The following MCOLN1 variants were observed in gnomAD, a reference collection of about 807,000 sequenced individuals.
MCOLN1 encodes mucolipin-1.
Under a neutral mutation model 70.3 loss-of-function variants are expected in MCOLN1, and 50 were observed. The observed-to-expected ratio is 0.71, with a 90% CI of 0.57 to 0.90. The LOEUF (loss-of-function observed/expected upper bound fraction) is 0.90, where lower values mean the gene tolerates loss of function less well. Ranked by LOEUF, MCOLN1 falls within the 40% of genes least tolerant of loss-of-function variation. The pLI, the probability that MCOLN1 is intolerant of heterozygous loss-of-function variation, is 0.00. For missense variants in MCOLN1, 598 were observed against 803.5 expected (o/e 0.74, Z 3.09); for synonymous variants, 366 against 341.0 (o/e 1.07, Z -0.81).
In MCOLN1 at chr19:7,526,499, G is replaced by A. The variant is rs199685178; in HGVS notation, c.298G>A (p.Ala100Thr). 15 of 1,614,200 alleles carry A rather than the reference G, an allele frequency of 9.3e-6. No homozygotes were observed. Among genetic ancestry groups the A allele is most frequent in the East Asian group, 2.2e-5 (1 of 44,880 alleles). Residue 100 changes from alanine (A) to threonine (T), a missense_variant, in exon 3 of 14, where the codon GCC (alanine) becomes ACC (threonine). Ala to Thr is a moderately conservative substitution (Grantham distance 58). This residue lies in a region of MCOLN1 where 461 missense variants were observed against 588.4 expected (regional missense o/e 0.78). Coordinates refer to ENST00000264079, the MANE Select transcript of MCOLN1 (RefSeq NM_020533.3). This position sits in a 1 kb window ranked among gnomAD's most constrained non-coding sequence, Gnocchi z 4.6. ...AVTFREENTI[A>T]FRHLFLLGYS... Reference sequence around the variant, plus strand: ...GACATTCCGGGAAGAGAACACCATCGCCTTCCGACACCTCTTCCTGCTGGG... The same window carrying A: ...GACATTCCGGGAAGAGAACACCATCACCTTCCGACACCTCTTCCTGCTGGG...
Position 7,524,850 on chromosome 19 carries a change from G to A in MCOLN1, c.32-111G>A. 1.1e-6 allele frequency: 1 copy of A among 873,744 alleles called. No individual in the cohort carries two copies. 54.1% of individuals were successfully genotyped at this position (873,744 alleles called of 1,614,324 possible). A position where few individuals can be genotyped will look rare whatever the true frequency, so the allele number is the denominator to read the frequency against. ...TTTAGACCTCTCAGAGCTCTTCCTT[G>A]GCAGGAGCATGGGGACATGAAGATA... is the stretch of plus-strand genomic sequence containing the variant. On this transcript the variant is annotated intron_variant, in intron 1 of 13. Transcript: ENST00000264079. This position sits in a 1 kb window ranked among gnomAD's most constrained non-coding sequence, Gnocchi z 4.1.
At position 7,526,958 on chromosome 19, in the gene MCOLN1, G is replaced by T; in HGVS notation, c.571+32G>T. 1 of 1,613,344 alleles carries T rather than the reference G, an allele frequency of 6.2e-7. No homozygotes were observed. Among genetic ancestry groups the T allele is most frequent in the South Asian group, 1.1e-5 (1 of 91,028 alleles). On this transcript the variant is annotated intron_variant, in intron 4 of 13. Transcript: ENST00000264079. This position sits in a 1 kb window ranked among gnomAD's most constrained non-coding sequence, Gnocchi z 4.6. ...GGGCAGGACGAGGCTTCACTGTTGG[G>T]AGCCTGAGCTGCTGGGATTAAAATC... is the stretch of plus-strand genomic sequence containing the variant.
At position 7,525,203 on chromosome 19, in the gene MCOLN1, A is replaced by C; in HGVS notation, c.237+37A>C. On this transcript the variant is annotated intron_variant, in intron 2 of 13. Coordinates refer to ENST00000264079, the MANE Select transcript of MCOLN1 (RefSeq NM_020533.3). This position sits in a 1 kb window ranked among gnomAD's most constrained non-coding sequence, Gnocchi z 4.2. ...CAAGCAGGGGCCCCAGCTGAAGGCC[A>C]CCTGTGGCTGCTGTGCTCCTTGAAG... 1 of 1,580,094 alleles carries C rather than the reference A, an allele frequency of 6.3e-7. No individual in the cohort carries two copies. The highest frequency in any genetic ancestry group is 8.7e-7 in the Non-Finnish European group (1 of 1,151,144).
rs1215690193 is a variant in MCOLN1, at chr19:7,526,613, G to T, written c.405+7G>T. Reference sequence around the variant, plus strand: ...CTTCCATGCTGTGGACCAGGTGCTGGTGGGCGGGCAGGTGCTGGTGGGCAG... The same window carrying T: ...CTTCCATGCTGTGGACCAGGTGCTGTTGGGCGGGCAGGTGCTGGTGGGCAG... On this transcript the variant is annotated splice_region_variant and intron_variant, in intron 3 of 13. Coordinates refer to ENST00000264079, the MANE Select transcript of MCOLN1 (RefSeq NM_020533.3). This position sits in a 1 kb window ranked among gnomAD's most constrained non-coding sequence, Gnocchi z 4.6. The T allele has an allele frequency of 6.2e-7, 1 of 1,610,256 alleles. No homozygotes were observed. Among genetic ancestry groups the T allele is most frequent in the Non-Finnish European group, 8.5e-7 (1 of 1,179,072 alleles).
At position 7,528,487 on chromosome 19, in the gene MCOLN1, A is replaced by C; in HGVS notation, c.878-110A>C. 1 of 1,458,478 alleles carries C rather than the reference A, an allele frequency of 6.9e-7. No individual in the cohort carries two copies. The highest frequency in any genetic ancestry group is 9.4e-7 in the Non-Finnish European group (1 of 1,065,436). 90.3% of individuals were successfully genotyped at this position (1,458,478 alleles called of 1,614,324 possible). A position where few individuals can be genotyped will look rare whatever the true frequency, so the allele number is the denominator to read the frequency against. Reference sequence around the variant, plus strand: ...AAGCAAGCCCTGAGCCCACTGACCAACCAAAACCAGCCGTGCAGCCCCCTA... The same window carrying C: ...AAGCAAGCCCTGAGCCCACTGACCACCCAAAACCAGCCGTGCAGCCCCCTA... On this transcript the variant is annotated intron_variant, in intron 7 of 13. Coordinates refer to ENST00000264079, the MANE Select transcript of MCOLN1 (RefSeq NM_020533.3). This position sits in a 1 kb window ranked among gnomAD's most constrained non-coding sequence, Gnocchi z 4.2.
In MCOLN1 at chr19:7,526,435, C is replaced by T. The variant is rs1247052207; in HGVS notation, c.238-4C>T. The T allele has an allele frequency of 1.2e-6, 2 of 1,614,280 alleles. No homozygotes were observed. The highest frequency in any genetic ancestry group is 4.5e-5 in the East Asian group (2 of 44,888). On this transcript the variant is annotated splice_polypyrimidine_tract_variant and splice_region_variant and intron_variant, in intron 2 of 13. Coordinates refer to ENST00000264079, the MANE Select transcript of MCOLN1 (RefSeq NM_020533.3). This position sits in a 1 kb window ranked among gnomAD's most constrained non-coding sequence, Gnocchi z 4.6. The stretch of plus-strand genomic sequence containing the variant: ...CATGCCAACCTCTACTACCCTCTCC[C>T]CAGCTCATCCTGTTTGGGCTCAGTA...
intron 12 of MCOLN1, among the ~76,000 whole-genome samples, chr19:7,532,513 G>A (rs2022669965): frequency 6.6e-6 from 1 of 152,022 alleles, no homozygotes. Context: ...TTAGGAGTTC[G>A]AGACCAGCCT....
chr19:7,529,307 C>A, intron 10 of MCOLN1, 105 bp downstream of exon 10: 1 of 1,091,432 alleles, frequency 9.2e-7, no homozygotes, highest in Non-Finnish European at 1.4e-6. Flanking sequence ...TGGCCCCTTG[C>A]AAGCCTCCTC....
In MCOLN1 at chr19:7,528,116, G is replaced by C; in HGVS notation, c.778-42G>C. ...ACCTGTCATGTGGACCTTGGGGCTT[G>C]GGGCTGCCAAGGTTTACTCTGCCCC... is the stretch of plus-strand genomic sequence containing the variant. On this transcript the variant is annotated intron_variant, in intron 6 of 13. Coordinates refer to ENST00000264079, the MANE Select transcript of MCOLN1 (RefSeq NM_020533.3). This position sits in a 1 kb window ranked among gnomAD's most constrained non-coding sequence, Gnocchi z 4.2. The C allele has an allele frequency of 6.2e-7, 1 of 1,600,316 alleles. No individual in the cohort carries two copies. The highest frequency in any genetic ancestry group is 1.3e-5 in the African/African-American group (1 of 74,762).
chr19:7,533,921 A>C lies in MCOLN1; in HGVS notation c.*126A>C. ...CCTGTCGCGCCCGAGGAGGGCCTGG[A>C]CCTTTCGTGTCGGACCCTTGGGGGC... On this transcript the variant is annotated 3_prime_UTR_variant, in exon 14 of 14. Coordinates refer to ENST00000264079, the MANE Select transcript of MCOLN1 (RefSeq NM_020533.3). 8.7e-7 allele frequency: 1 copy of C among 1,155,714 alleles called. No homozygotes were observed. The highest frequency in any genetic ancestry group is 1.3e-6 in the Non-Finnish European group (1 of 791,472). 71.6% of individuals were successfully genotyped at this position (1,155,714 alleles called of 1,614,324 possible).
chr19:7,529,511 T>TGGGGG, intron 10 of MCOLN1, 79 bp from the exon 11 acceptor site: 1 of 370,412 alleles, frequency 2.7e-6, no homozygotes, highest in Non-Finnish European at 4.5e-6. Flanking sequence ...GCCCCGCCCC[T>TGGGGG]CCCACCCCCA....
Position 7,533,982 on chromosome 19 carries a change from GA to G in MCOLN1, c.*191del, listed in dbSNP as rs1374673765. The G allele has an allele frequency of 1.9e-5, 13 of 679,974 alleles. No homozygotes were observed. The Admixed American group carries it at 2.4e-4, about 12-fold the overall frequency. 42.1% of individuals were successfully genotyped at this position (679,974 alleles called of 1,614,324 possible). On this transcript the variant is annotated 3_prime_UTR_variant, in exon 14 of 14. Coordinates refer to ENST00000264079, the MANE Select transcript of MCOLN1 (RefSeq NM_020533.3). ...GGTGGGGAGGGTGTTGAATAAAAGG[GA>G]AAATAAATGTGTCGTTTTCATTTTT...
chr19:7,528,827 G>A lies in MCOLN1; in HGVS notation c.991G>A (p.Val331Met). The change falls in exon 9 of 14, where the codon GTG (valine) becomes ATG (methionine). Residue 331 changes from valine to methionine, a missense_variant. Physicochemically the swap from Val to Met is conservative, Grantham distance 21. This residue lies in a region of MCOLN1 where 461 missense variants were observed against 588.4 expected (regional missense o/e 0.78). Transcript: ENST00000264079. This position sits in a 1 kb window ranked among gnomAD's most constrained non-coding sequence, Gnocchi z 4.2. ...LRGFLLQNEF[V>M]GFMWRQRGRV... ...CCCCGCCTGCCTTCTGCAGGAGTTT[G>A]TGGGGTTCATGTGGCGGCAGCGGGG... 6.2e-7 allele frequency: 1 copy of A among 1,614,256 alleles called. No individual in the cohort carries two copies. Among genetic ancestry groups the A allele is most frequent in the Non-Finnish European group, 8.5e-7 (1 of 1,180,032 alleles).
intron 1 of MCOLN1, among the ~76,000 whole-genome samples, chr19:7,523,562 A>G (rs1359414216): frequency 6.6e-6 from 1 of 152,236 alleles, no homozygotes; most frequent in Non-Finnish European, 1.5e-5. Context: ...GACAGTGCAC[A>G]CATTTATCCT....
rs141240937 is a variant in MCOLN1 at position 7,528,836 on chromosome 19, A to G, written c.1000A>G (p.Met334Val). 1,148 of 1,614,196 alleles carry G rather than the reference A, an allele frequency of 7.1e-4. 4 individuals carry two copies. The highest frequency in any genetic ancestry group is 4.0e-4 in the Non-Finnish European group (472 of 1,180,016). Residue 334 changes from methionine to valine, a missense_variant, in exon 9 of 14, where the codon ATG (methionine) becomes GTG (valine). Around this residue, in one of 3 missense-constraint regions of MCOLN1, gnomAD observed 461 missense variants for 588.4 expected, o/e 0.78. Transcript: ENST00000264079. This position sits in a 1 kb window ranked among gnomAD's most constrained non-coding sequence, Gnocchi z 4.2. ...CCTTCTGCAGGAGTTTGTGGGGTTC[A>G]TGTGGCGGCAGCGGGGACGGGTCAT... ...FLLQNEFVGF[M>V]WRQRGRVISL...
In MCOLN1 at chr19:7,528,396, A is replaced by G; in HGVS notation, c.877+139A>G. 3 of 992,838 alleles carry G rather than the reference A, an allele frequency of 3.0e-6. No individual in the cohort carries two copies. The highest frequency in any genetic ancestry group is 4.6e-6 in the Non-Finnish European group (3 of 649,430). The allele number at this position is 992,838 out of a possible 1,614,324, so 61.5% of individuals were successfully genotyped here. ...AGCCTCAGATCAGCACAGACCAGGG[A>G]CCCCGTCCTGTGCTGAGATCCCCCA... On this transcript the variant is annotated intron_variant, in intron 7 of 13. Coordinates refer to ENST00000264079, the MANE Select transcript of MCOLN1 (RefSeq NM_020533.3). The surrounding 1 kb of genome is among the most constrained non-coding windows in gnomAD (Gnocchi z 4.2).
rs754009842 is a variant in MCOLN1 at position 7,528,250 on chromosome 19, C to T, written c.870C>T (p.Phe290=). ...AGGAGTGTAAGCACCCCAGTGTCTT[C>T]CAGCACGGTGAGCCCCTGAGCCCCA... is the stretch of plus-strand genomic sequence containing the variant. The part of the protein sequence containing the change: ...HIQECKHPSV[F]QHGDNSFRLL... Residue 290 remains phenylalanine (F), a synonymous_variant, in exon 7 of 14, where the codon TTC becomes TTT. Coordinates refer to ENST00000264079, the MANE Select transcript of MCOLN1 (RefSeq NM_020533.3). This position sits in a 1 kb window ranked among gnomAD's most constrained non-coding sequence, Gnocchi z 4.2. 2 of 1,613,882 alleles carry T rather than the reference C, an allele frequency of 1.2e-6. No homozygotes were observed.
chr19:7,525,378 C>T lies in MCOLN1; in HGVS notation c.237+212C>T, dbSNP rs2022554646. 3.8e-6 allele frequency: 2 copies of T among 524,506 alleles called. No individual in the cohort carries two copies. Among genetic ancestry groups the T allele is most frequent in the Admixed American group, 2.8e-5 (1 of 35,164 alleles). The allele number at this position is 524,506 out of a possible 1,614,324, so 32.5% of individuals were successfully genotyped here. A position where few individuals can be genotyped will look rare whatever the true frequency, so the allele number is the denominator to read the frequency against. ...GCGTGGTGGCGGGTGCCTGTAATCC[C>T]AGCTACTTGGCAGGCTGAGGCAGGA... On this transcript the variant is annotated intron_variant, in intron 2 of 13. Transcript: ENST00000264079. The surrounding 1 kb of genome is among the most constrained non-coding windows in gnomAD (Gnocchi z 4.2).
At position 7,529,218 on chromosome 19, in the gene MCOLN1, G is replaced by A; in HGVS notation, c.1236+16G>A. On this transcript the variant is annotated intron_variant, in intron 10 of 13. Coordinates refer to ENST00000264079, the MANE Select transcript of MCOLN1 (RefSeq NM_020533.3). ...CAACTACAATGTGAGTTTTGCACAT[G>A]CAGCTGGGCCTTCCACATGGTTACT... 6.2e-7 allele frequency: 1 copy of A among 1,600,114 alleles called. No individual in the cohort carries two copies. The highest frequency in any genetic ancestry group is 1.1e-5 in the South Asian group (1 of 90,888).
Sources: allele counts gnomAD v4.1 joint callset (sites outside exome capture counted in the v4.1 genomes callset), GRCh38; gene constraint gnomAD v4.1.1; regional missense constraint gnomAD v4.1.1; non-coding constraint Gnocchi (gnomAD v3.1); transcripts MANE v1.5; gene names NCBI Gene and HGNC (gene_info 2026-07-23, HGNC 2026-07-21).